ARHGAP30: variants seen among roughly 807,000 people sequenced by gnomAD.
The protein encoded by ARHGAP30 is Rho GTPase activating protein 30.
Under a neutral mutation model 72.0 loss-of-function variants are expected in ARHGAP30, and 23 were observed. The ratio of observed to expected loss-of-function variants is 0.32; its 90% CI spans 0.23 to 0.45. The LOEUF (loss-of-function observed/expected upper bound fraction) is 0.45, where lower values mean the gene tolerates loss of function less well. Among genes scored for constraint, ARHGAP30 ranks in the 20% least tolerant of loss-of-function variants. The pLI is 1.00. For missense variants in ARHGAP30, 1,319 were observed against 1,383.4 expected (o/e 0.95, Z 0.74); for synonymous variants, 576 against 528.2 (o/e 1.09, Z -1.24).
Position 161,047,625 on chromosome 1 carries a change from C to G in ARHGAP30, c.*90G>C. 1 of 1,391,732 alleles carries G rather than the reference C, an allele frequency of 7.2e-7. No homozygotes were observed. 86.2% of individuals were successfully genotyped at this position (1,391,732 alleles called of 1,614,324 possible). On this transcript the variant is annotated 3_prime_UTR_variant, in exon 12 of 12. Coordinates refer to ENST00000368013, the MANE Select transcript of ARHGAP30 (RefSeq NM_001025598.2). Reference sequence around the variant, plus strand: ...AAGCCTATAGAGTTGGGCACTACAGCTGCTCATGCTGCAGAGGAGACAGCT... The same window carrying G: ...AAGCCTATAGAGTTGGGCACTACAGGTGCTCATGCTGCAGAGGAGACAGCT...
At chr1:161,064,831 GAGA>G (rs1652623144) in intron 1 of ARHGAP30, among the ~76,000 whole-genome samples, 5 of 73,890 alleles carry the variant, frequency 6.8e-5, no homozygotes, top group South Asian at 4.8e-4. Context: ...AAGAAAGAAA[GAGA>G]AAGAAAGAAA....
chr1:161,047,560 G>T lies in ARHGAP30; in HGVS notation c.*155C>A. On this transcript the variant is annotated 3_prime_UTR_variant, in exon 12 of 12. Coordinates refer to ENST00000368013, the MANE Select transcript of ARHGAP30 (RefSeq NM_001025598.2). ...GACAAGTTCAGGTAAACCAACCAAG[G>T]CAGTGCCTCCCACAGTCAAAGAGAG... The T allele has an allele frequency of 1.4e-6, 1 of 694,950 alleles. No individual in the cohort carries two copies. Among genetic ancestry groups the T allele is most frequent in the Non-Finnish European group, 2.1e-6 (1 of 468,032 alleles). 43.0% of individuals were successfully genotyped at this position (694,950 alleles called of 1,614,324 possible). A position where few individuals can be genotyped will look rare whatever the true frequency, so the allele number is the denominator to read the frequency against.
At chr1:161,064,823 GAAAGAA>G (rs1652612092) in intron 1 of ARHGAP30, among the ~76,000 whole-genome samples, 6 of 63,914 alleles carry the variant, frequency 9.4e-5, no homozygotes, top group Admixed American at 1.7e-4. Flanking sequence ...AAGAAAGAAA[GAAAGAA>G]AGAGAAAGAA....
chr1:161,064,828 AAAGAGAAAGAAAGAAAGAAAGGAAAGG>A (rs1239477321), intron 1 of ARHGAP30, among the ~76,000 whole-genome samples: 40 of 41,820 alleles, frequency 9.6e-4, no homozygotes, highest in African/African-American at 5.7e-3. Context: ...AGAAAGAAAG[AAAGAGAAAGAAAGAAAGAAAGGAAAGG>A]AAGGAGAGGA....
At position 161,052,540 on chromosome 1, in the gene ARHGAP30, C is replaced by T. The variant is rs150654338; in HGVS notation, c.840G>A (p.Arg280=). Residue 280 remains arginine, a synonymous_variant, in exon 8 of 12, where the codon AGG becomes AGA. Coordinates refer to ENST00000368013, the MANE Select transcript of ARHGAP30 (RefSeq NM_001025598.2). ...HTIIEIAEHK[R]KGSLKVRKWR... Reference sequence around the variant, plus strand: ...ACTTCCTGACCTTCAAAGACCCCTTCCTCCTACAAAGAATGGAGGGGCATA... The same window carrying T: ...ACTTCCTGACCTTCAAAGACCCCTTTCTCCTACAAAGAATGGAGGGGCATA... 347 of 1,613,864 alleles carry T rather than the reference C, an allele frequency of 2.2e-4. No individual in the cohort carries two copies. Among genetic ancestry groups the T allele is most frequent in the Non-Finnish European group, 2.9e-4 (337 of 1,180,026 alleles).
chr1:161,052,997 G>T, intron 6 of ARHGAP30, 200 bp from the exon 7 acceptor site: 2 of 877,842 alleles, frequency 2.3e-6, no homozygotes, highest in Non-Finnish European at 3.4e-6. Flanking sequence ...ACGTTGGCCT[G>T]GTGGGCTGGG....
rs371723794 is a variant in ARHGAP30 at position 161,048,538 on chromosome 1, T to C, written c.2483A>G (p.Glu828Gly). ...EDSRSPEAAT[E>G]GGAGEVSKER... ...CTTGCTGACCTCCCCTGCTCCTCCT[T>C]CAGTTGCTGCTTCTGGGCTTCTGCT... is the stretch of plus-strand genomic sequence containing the variant. The change falls in exon 12 of 12, where the codon GAA (glutamate) becomes GGA (glycine). Residue 828 changes from glutamate (E) to glycine (G), a missense_variant. Glu to Gly is a moderately conservative substitution (Grantham distance 98, BLOSUM62 -2). Around this residue, in one of 2 missense-constraint regions of ARHGAP30, gnomAD observed 1,097 missense variants for 1,045.2 expected, o/e 1.05. Coordinates refer to ENST00000368013, the MANE Select transcript of ARHGAP30 (RefSeq NM_001025598.2). The C allele has an allele frequency of 5.5e-5, 89 of 1,614,044 alleles. No individual in the cohort carries two copies. In the East Asian group the frequency reaches 6.5e-4, roughly 12 times the overall value.
intron 6 of ARHGAP30, chr1:161,053,007 G>T: frequency 1.2e-6 from 1 of 853,704 alleles, no homozygotes; most frequent in Non-Finnish European, 1.8e-6. Context: ...GGTGGGCTGG[G>T]GGTGGATATG....
chr1:161,059,814 G>A (rs1168385941), intron 1 of ARHGAP30, 98 bp from the exon 2 acceptor site: 22 of 988,936 alleles, frequency 2.2e-5, no homozygotes, highest in African/African-American at 1.6e-5. Context: ...AGACCACGAC[G>A]AGCAAAGCTC....
chr1:161,057,388 G>A (rs1651957108), intron 2 of ARHGAP30, among the ~76,000 whole-genome samples: 1 of 152,226 alleles, frequency 6.6e-6, no homozygotes, highest in Middle Eastern at 3.4e-3. Context: ...ATGGGCAAAG[G>A]GTTTGAATAA....
intron 2 of ARHGAP30, among the ~76,000 whole-genome samples, chr1:161,057,318 T>C (rs1258590337): frequency 6.6e-6 from 1 of 151,944 alleles, no homozygotes; most frequent in Non-Finnish European, 1.5e-5. Flanking sequence ...CATGCCCGGC[T>C]AAACAAATAA....
chr1:161,068,643 C>T (rs566956111), intron 1 of ARHGAP30, among the ~76,000 whole-genome samples: 1 of 152,250 alleles, frequency 6.6e-6, no homozygotes, highest in South Asian at 2.1e-4. Flanking sequence ...CTGGGCTGGG[C>T]AGCCAGGGTG....
intron 1 of ARHGAP30, among the ~76,000 whole-genome samples, chr1:161,067,663 GA>G (rs1652865479): frequency 6.6e-6 from 1 of 152,052 alleles, no homozygotes; most frequent in Non-Finnish European, 1.5e-5. Context: ...AAGGAAGGAA[GA>G]GACCCATGTG....
Position 161,049,135 on chromosome 1 carries a change from C to T in ARHGAP30, c.1886G>A (p.Gly629Asp). 1 of 1,614,208 alleles carries T rather than the reference C, an allele frequency of 6.2e-7. No homozygotes were observed. Among genetic ancestry groups the T allele is most frequent in the South Asian group, 1.1e-5 (1 of 91,082 alleles). The change falls in exon 12 of 12, where the codon GGT becomes GAT. Residue 629 changes from glycine to aspartate, a missense_variant. Gly to Asp is a moderately conservative substitution (Grantham distance 94, BLOSUM62 -1). Transcript: ENST00000368013. ...LLGPKPPIWK[G>D]SGSLEGEAAG... Reference sequence around the variant, plus strand: ...TGCCTCTCCCTCCAGACTCCCTGAACCCTTCCAGATTGGGGGTTTAGGTCC... The same window carrying T: ...TGCCTCTCCCTCCAGACTCCCTGAATCCTTCCAGATTGGGGGTTTAGGTCC...
At chr1:161,052,821 C>T (rs1351221801) in intron 6 of ARHGAP30, 24 bp from the exon 7 acceptor site, 2 of 1,604,816 alleles carry the variant, frequency 1.2e-6, no homozygotes, top group African/African-American at 2.7e-5. Flanking sequence ...AGGAATTGGC[C>T]AGCCAGGAAC....
chr1:161,048,683 C>T lies in ARHGAP30; in HGVS notation c.2338G>A (p.Glu780Lys). 6.2e-7 allele frequency: 1 copy of T among 1,614,154 alleles called. No homozygotes were observed. Among genetic ancestry groups the T allele is most frequent in the Non-Finnish European group, 8.5e-7 (1 of 1,180,032 alleles). ...TTCTGTACAACTTCCCATTTCTCCT[C>T]AGCAACTTGATCTTCCTGGGCCCCT... ...EQGAQEDQVAEEKWEVVQKQE... is the reference protein window; with the variant it reads ...EQGAQEDQVAKEKWEVVQKQE... Residue 780 changes from glutamate to lysine, a missense_variant, in exon 12 of 12, where the codon GAG becomes AAG. By Grantham distance (56) the Glu-to-Lys change is moderately conservative (BLOSUM62 1). Transcript: ENST00000368013.
At chr1:161,061,018 A>G (rs1652275883) in intron 1 of ARHGAP30, among the ~76,000 whole-genome samples, 1 of 150,676 alleles carries the variant, frequency 6.6e-6, no homozygotes, top group South Asian at 2.1e-4. Flanking sequence ...ACTTATCTTA[A>G]AAGTGCATTT....
intron 1 of ARHGAP30, among the ~76,000 whole-genome samples, chr1:161,064,773 GAAAGAA>G (rs748483788): frequency 0.023 from 2,038 of 90,102 alleles, 34 homozygotes; most frequent in Admixed American, 0.031. Flanking sequence ...AAGAAAGAAA[GAAAGAA>G]AAAGAAAGAA....
rs534430037 is a variant in ARHGAP30, at chr1:161,048,463, C to T, written c.2558G>A (p.Gly853Glu). The T allele has an allele frequency of 3.7e-6, 6 of 1,614,112 alleles. No individual in the cohort carries two copies. The South Asian group carries it at 4.4e-5, about 12-fold the overall frequency. ...GAGGGTGTCCTCTTCTAAATAGTAC[C>T]CTCCAGCCCTCTGGTCTCCCTCAGC... is the stretch of plus-strand genomic sequence containing the variant. The part of the protein sequence containing the change: ...GEAEGDQRAG[G>E]YYLEEDTLSE... The change falls in exon 12 of 12, where the codon GGG (glycine) becomes GAG (glutamate). Residue 853 changes from glycine (G) to glutamate (E), a missense_variant. By Grantham distance (98) the Gly-to-Glu change is moderately conservative. Transcript: ENST00000368013.
Sources: allele counts gnomAD v4.1 joint callset (sites outside exome capture counted in the v4.1 genomes callset), GRCh38; gene constraint gnomAD v4.1.1; regional missense constraint gnomAD v4.1.1; transcripts MANE v1.5; gene names NCBI Gene and HGNC (gene_info 2026-07-23, HGNC 2026-07-21).